The following ACIN1 variants were observed in gnomAD, a reference collection of about 807,000 sequenced individuals.
The protein encoded by ACIN1 is apoptotic chromatin condensation inducer 1, also known as apoptotic chromatin condensation inducer in the nucleus.
A neutral mutation model predicts 146.6 loss-of-function variants in ACIN1; 16 were observed. The observed-to-expected ratio is 0.11, with a 90% CI of 0.07 to 0.17. The LOEUF (loss-of-function observed/expected upper bound fraction) is 0.17. Among genes scored for constraint, ACIN1 ranks in the 10% least tolerant of loss-of-function variants. The pLI, the probability that ACIN1 is intolerant of heterozygous loss-of-function variation, is 1.00. For missense variants in ACIN1, 1,357 were observed against 1,609.3 expected, an observed-to-expected ratio of 0.84 and a Z score of 2.68; for synonymous variants, 569 against 582.7, an observed-to-expected ratio of 0.98 and a Z score of 0.34.
In ACIN1 at chr14:23,067,490, G is replaced by C; in HGVS notation, c.2266-1482C>G. 1.0e-6 allele frequency: 1 copy of C among 982,846 alleles called. No individual in the cohort carries two copies. The highest frequency in any genetic ancestry group is 1.2e-6 in the Non-Finnish European group (1 of 827,590). 60.9% of individuals were successfully genotyped at this position (982,846 alleles called of 1,614,324 possible). A position where few individuals can be genotyped will look rare whatever the true frequency, so the allele number is the denominator to read the frequency against. ...CACGGCACTGCCAGAGTCCTCCCAG[G>C]GGCGCAGGGGGGGCGGGAGGGAAAC... is the stretch of plus-strand genomic sequence containing the variant. On this transcript the variant is annotated intron_variant, in intron 9 of 18. Coordinates refer to ENST00000605057, the MANE Select transcript of ACIN1 (RefSeq NM_001386863.1). The surrounding 1 kb of genome is among the most constrained non-coding windows in gnomAD (Gnocchi z 4.6).
intron 17 of ACIN1, 36 bp downstream of exon 17, chr14:23,061,262 C>A (rs2047270382): frequency 6.2e-7 from 1 of 1,612,236 alleles, no homozygotes; most frequent in Non-Finnish European, 8.5e-7. Flanking sequence ...TTCCCACCTA[C>A]TAGTGGGTAT....
At chr14:23,086,861 T>C (rs527483750) in intron 4 of ACIN1, among the ~76,000 whole-genome samples, 2 of 152,272 alleles carry the variant, frequency 1.3e-5, no homozygotes, top group South Asian at 4.1e-4. Context: ...TCTTGATAAA[T>C]TATAACACTG....
At chr14:23,071,518 A>G (rs1221720424) in intron 8 of ACIN1, 1 of 1,551,484 alleles carries the variant, frequency 6.4e-7, no homozygotes, top group Non-Finnish European at 8.7e-7. Context: ...GTATTGGCGG[A>G]GCGGCAGCGA....
chr14:23,081,462 A>G (rs570020047), intron 5 of ACIN1, among the ~76,000 whole-genome samples: 7 of 152,208 alleles, frequency 4.6e-5, no homozygotes, highest in Non-Finnish European at 1.0e-4. Context: ...AGGAGAAGGA[A>G]GATAACCACA....
Position 23,080,517 on chromosome 14 carries a change from T to C in ACIN1, c.818A>G (p.Gln273Arg). Residue 273 changes from glutamine to arginine, a missense_variant, in exon 6 of 19, where the codon CAG (glutamine) becomes CGG (arginine). Gln to Arg is a conservative substitution (Grantham distance 43, BLOSUM62 1). Around this residue, in one of 4 missense-constraint regions of ACIN1, gnomAD observed 771 missense variants for 746.6 expected, o/e 1.03. Transcript: ENST00000605057. ...TCTCCCTCCTCTCTCTAACACCTCC[T>C]GTTCCTGGGATCTTGTTTTGGGTCT... ...DERPKTRSQEQEVLERGGRFT... is the reference protein window; with the variant it reads ...DERPKTRSQEREVLERGGRFT... 1 of 1,614,184 alleles carries C rather than the reference T, an allele frequency of 6.2e-7. No individual in the cohort carries two copies. Among genetic ancestry groups the C allele is most frequent in the South Asian group, 1.1e-5 (1 of 91,076 alleles).
intron 4 of ACIN1, among the ~76,000 whole-genome samples, chr14:23,082,985 C>T (rs910952300): frequency 1.3e-5 from 2 of 151,880 alleles, no homozygotes; most frequent in Non-Finnish European, 1.5e-5. Context: ...GCAATCCCCC[C>T]GCCTTGGCCT....
intron 9 of ACIN1, 153 bp downstream of exon 9, chr14:23,069,323 G>A: frequency 1.5e-6 from 2 of 1,347,742 alleles, no homozygotes. Flanking sequence ...TGCTAAACCA[G>A]CGAATTCTCC....
At position 23,062,531 on chromosome 14, in the gene ACIN1, T is replaced by A; in HGVS notation, c.2884-8A>T. The A allele has an allele frequency of 6.2e-7, 1 of 1,613,474 alleles. No individual in the cohort carries two copies. The highest frequency in any genetic ancestry group is 1.1e-5 in the South Asian group (1 of 91,072). On this transcript the variant is annotated splice_polypyrimidine_tract_variant and splice_region_variant and intron_variant, in intron 14 of 18. Coordinates refer to ENST00000605057, the MANE Select transcript of ACIN1 (RefSeq NM_001386863.1). ...TAAAGTGAAAGGACGGACCTGCCAA[T>A]GAAAATAGACTTTCAGGGTCTAGCA...
Position 23,061,431 on chromosome 14 carries a change from C to G in ACIN1, c.3291G>C (p.Arg1097=). The change falls in exon 17 of 19, where the codon CGG becomes CGC. Residue 1097 remains arginine (R), a synonymous_variant. Coordinates refer to ENST00000605057, the MANE Select transcript of ACIN1 (RefSeq NM_001386863.1). ...CACGCTCTGATCGAGTCCGCTCCCG[C>G]CGCTCCATTTCCCGTTCCCGTTCTG... The part of the protein sequence containing the change: ...QWAEREREME[R]RERTRSEREW... The G allele has an allele frequency of 6.2e-7, 1 of 1,613,982 alleles. No individual in the cohort carries two copies. Among genetic ancestry groups the G allele is most frequent in the South Asian group, 1.1e-5 (1 of 91,068 alleles).
rs1457747353 is a variant in ACIN1 at position 23,080,357 on chromosome 14, C to T, written c.978G>A (p.Ser326=). The T allele has an allele frequency of 6.8e-6, 11 of 1,614,010 alleles. No homozygotes were observed. The African/African-American group carries it at 8.0e-5, about 12-fold the overall frequency. Residue 326 remains serine, a synonymous_variant, in exon 6 of 19, where the codon TCG becomes TCA. Transcript: ENST00000605057. ...IKSSQGLKEK[S]KSPSPPRLTE... ...TCAGTCGAGGAGGGGAAGGAGACTT[C>T]GATTTTTCCTTTAAGCCTTGTGAAG...
At chr14:23,065,926 G>A in intron 10 of ACIN1, 40 bp downstream of exon 10, 1 of 1,582,184 alleles carries the variant, frequency 6.3e-7, no homozygotes, top group Non-Finnish European at 8.7e-7. Flanking sequence ...GGTTTTTATG[G>A]TATTCCTGAC....
intron 10 of ACIN1, chr14:23,064,750 A>G (rs2047396427): frequency 7.8e-6 from 3 of 386,976 alleles, no homozygotes; most frequent in Admixed American, 4.0e-5. Flanking sequence ...TACAAAAATT[A>G]GCCAGGCGTT....
intron 8 of ACIN1, among the ~76,000 whole-genome samples, chr14:23,070,577 A>G (rs1390504359): frequency 6.6e-6 from 1 of 152,124 alleles, no homozygotes; most frequent in East Asian, 1.9e-4. Context: ...CAGATAAACT[A>G]TCTTTCCACC....
In ACIN1 at chr14:23,067,250, A is replaced by G; in HGVS notation, c.2266-1242T>C. 10 of 916,842 alleles carry G rather than the reference A, an allele frequency of 1.1e-5. No homozygotes were observed. Among genetic ancestry groups the G allele is most frequent in the Non-Finnish European group, 1.3e-5 (10 of 767,280 alleles). 56.8% of individuals were successfully genotyped at this position (916,842 alleles called of 1,614,324 possible). A position where few individuals can be genotyped will look rare whatever the true frequency, so the allele number is the denominator to read the frequency against. ...AAATAAAATAAAATATTAAAAAAAG[A>G]AGAAGAAAATAAAGAAGAAAATAAA... On this transcript the variant is annotated intron_variant, in intron 9 of 18. Transcript: ENST00000605057. This position sits in a 1 kb window ranked among gnomAD's most constrained non-coding sequence, Gnocchi z 4.6.
chr14:23,065,890 T>C, intron 10 of ACIN1, 76 bp downstream of exon 10: 1 of 1,384,204 alleles, frequency 7.2e-7, no homozygotes. Flanking sequence ...CCATTGAGAA[T>C]GAAATTCTGG....
In ACIN1 at chr14:23,079,828, A is replaced by C. The variant is rs756917729; in HGVS notation, c.1507T>G (p.Ser503Ala). 6.2e-7 allele frequency: 1 copy of C among 1,614,090 alleles called. No homozygotes were observed. ...CTGTGGCTTGGGAGAAGGGTATGAG[A>C]AGCTCTTCTGCCTTCCTTCTGTTCC... ...SLEQKEGRRASHTLLPSHRLK... is the reference protein window; with the variant it reads ...SLEQKEGRRAAHTLLPSHRLK... Residue 503 changes from serine to alanine, a missense_variant, in exon 6 of 19, where the codon TCT becomes GCT. Physicochemically the swap from Ser to Ala is moderately conservative, Grantham distance 99. Around this residue, in one of 4 missense-constraint regions of ACIN1, gnomAD observed 771 missense variants for 746.6 expected, o/e 1.03. Coordinates refer to ENST00000605057, the MANE Select transcript of ACIN1 (RefSeq NM_001386863.1).
intron 4 of ACIN1, among the ~76,000 whole-genome samples, chr14:23,085,552 G>A (rs187550072): frequency 6.6e-6 from 1 of 152,308 alleles, no homozygotes; most frequent in East Asian, 1.9e-4. Flanking sequence ...TCATCAAAGA[G>A]ATCTGGAGAA....
chr14:23,090,012 G>A lies in ACIN1; in HGVS notation c.406C>T (p.Pro136Ser), dbSNP rs1700238083. 1 of 1,613,150 alleles carries A rather than the reference G, an allele frequency of 6.2e-7. No homozygotes were observed. Among genetic ancestry groups the A allele is most frequent in the South Asian group, 1.1e-5 (1 of 90,910 alleles). The change falls in exon 4 of 19, where the codon CCA becomes TCA. Residue 136 changes from proline (P) to serine (S), a missense_variant. By Grantham distance (74) the Pro-to-Ser change is moderately conservative (BLOSUM62 -1). Coordinates refer to ENST00000605057, the MANE Select transcript of ACIN1 (RefSeq NM_001386863.1). Reference protein sequence around the residue: ...PPDFQSSLERPELELSRHSPR... With the variant: ...PPDFQSSLERSELELSRHSPR... ...GAATGTCTGCTGAGCTCCAGCTCTG[G>A]TCTCTCCAGGCTGCTCTGAAAGTCA... is the stretch of plus-strand genomic sequence containing the variant.
At chr14:23,087,752 T>C (rs1168405294) in intron 4 of ACIN1, among the ~76,000 whole-genome samples, 2 of 152,168 alleles carry the variant, frequency 1.3e-5, no homozygotes, top group African/African-American at 2.4e-5. Flanking sequence ...TAAAGCCCTC[T>C]GTGTATCACC....
Sources: allele counts gnomAD v4.1 joint callset (sites outside exome capture counted in the v4.1 genomes callset), GRCh38; gene constraint gnomAD v4.1.1; regional missense constraint gnomAD v4.1.1; non-coding constraint Gnocchi (gnomAD v3.1); transcripts MANE v1.5; gene names NCBI Gene and HGNC (gene_info 2026-07-23, HGNC 2026-07-21).